ZNF398: variants seen among roughly 807,000 people sequenced by gnomAD.
ZNF398 encodes the protein zinc finger protein 398.
In ZNF398, 18 loss-of-function variants were observed where a neutral mutation model predicts 41.9. The ratio of observed to expected loss-of-function variants is 0.43; its 90% CI spans 0.30 to 0.64. The LOEUF (loss-of-function observed/expected upper bound fraction) is 0.64. ZNF398 is among the 30% of genes least tolerant of loss of function. The pLI, the probability that ZNF398 is intolerant of heterozygous loss-of-function variation, is 0.14. For missense variants in ZNF398, 669 were observed against 822.8 expected (o/e 0.81, Z 2.29); for synonymous variants, 260 against 308.8 (o/e 0.84, Z 1.66).
At position 149,179,679 on chromosome 7, in the gene ZNF398, C is replaced by G. The variant is rs1288519741; in HGVS notation, c.1807C>G (p.Gln603Glu). Reference sequence around the variant, plus strand: ...TGGGGGTGATAGTGACCCATCAGGTCAGCCACCCAACCCACCAGGTCCCCT... The same window carrying G: ...TGGGGGTGATAGTGACCCATCAGGTGAGCCACCCAACCCACCAGGTCCCCT... ...GCGGDSDPSGQPPNPPGPLIT... is the reference protein window; with the variant it reads ...GCGGDSDPSGEPPNPPGPLIT... The change falls in exon 6 of 6, where the codon CAG becomes GAG. Residue 603 changes from glutamine (Q) to glutamate (E), a missense_variant. Gln to Glu is a conservative substitution (Grantham distance 29). Coordinates refer to ENST00000475153, the MANE Select transcript of ZNF398 (RefSeq NM_170686.3). The surrounding 1 kb of genome is among the most constrained non-coding windows in gnomAD (Gnocchi z 6.1). The G allele has an allele frequency of 6.2e-7, 1 of 1,614,106 alleles. No homozygotes were observed. Among genetic ancestry groups the G allele is most frequent in the Non-Finnish European group, 8.5e-7 (1 of 1,180,046 alleles).
chr7:149,155,360 C>T (rs71532762), intron 2 of ZNF398, among the ~76,000 whole-genome samples: 6,755 of 152,076 alleles, frequency 0.044, 214 homozygotes, highest in Admixed American at 0.063. Flanking sequence ...ACAGAGGTTG[C>T]AGTGAGCTGA....
chr7:149,155,727 T>TTTTTTTTTTTTTTTTTTTA (rs1794959608), intron 2 of ZNF398, among the ~76,000 whole-genome samples: 1 of 62,984 alleles, frequency 1.6e-5, no homozygotes, highest in African/African-American at 5.2e-5. Context: ...TTTTTTTTTT[T>TTTTTTTTTTTTTTTTTTTA]TTAATTTTTT....
intron 1 of ZNF398, among the ~76,000 whole-genome samples, chr7:149,151,970 C>T (rs536405462): frequency 1.3e-5 from 2 of 151,978 alleles, no homozygotes; most frequent in South Asian, 2.1e-4. Context: ...CGGTGGCTCA[C>T]GCCCGTAATG....
At chr7:149,146,032 G>A (rs1826930570), upstream of ZNF398, among the ~76,000 whole-genome samples, 1 of 134,546 alleles carries the variant, frequency 7.4e-6, no homozygotes, top group East Asian at 2.5e-4. Context: ...TGCAACCTCC[G>A]CCTCCTGGGT....
intron 1 of ZNF398, among the ~76,000 whole-genome samples, chr7:149,152,265 T>TTC (rs1476169395): frequency 6.7e-6 from 1 of 148,316 alleles, no homozygotes. Flanking sequence ...AAAGATTTCT[T>TTC]TTTTTTTTTT....
At chr7:149,138,935 C>T (rs1426292349) in intron 2 of ZNF398, among the ~76,000 whole-genome samples, 1 of 126,474 alleles carries the variant, frequency 7.9e-6, no homozygotes, top group African/African-American at 3.0e-5. Context: ...TTTTTTGAGA[C>T]GGAGTCTTGT....
intron 2 of ZNF398, among the ~76,000 whole-genome samples, chr7:149,129,886 C>T (rs1247948358): frequency 2.0e-5 from 3 of 152,068 alleles, no homozygotes; most frequent in South Asian, 2.1e-4. Context: ...CCGCAACCTC[C>T]GCCTCCCAGG....
intron 2 of ZNF398, among the ~76,000 whole-genome samples, chr7:149,155,721 T>A (rs867496451): frequency 0.02 from 1,312 of 64,526 alleles, 21 homozygotes; most frequent in African/African-American, 0.062. Context: ...TTTTTTTTTT[T>A]TTTTTTTTAA....
chr7:149,155,969 G>A (rs1200228134), intron 2 of ZNF398, among the ~76,000 whole-genome samples: 4 of 151,662 alleles, frequency 2.6e-5, no homozygotes, highest in Non-Finnish European at 5.9e-5. Context: ...CTCGTGATCC[G>A]CTCGCCTTGG....
chr7:149,181,314 T>C lies in ZNF398; in HGVS notation c.*1513T>C, dbSNP rs949447657. 1.3e-5 allele frequency: 2 copies of C among 151,380 alleles called. No individual in the cohort carries two copies. Among genetic ancestry groups the C allele is most frequent in the Non-Finnish European group, 2.9e-5 (2 of 68,042 alleles). 9.4% of individuals were successfully genotyped at this position (151,380 alleles called of 1,614,324 possible). A position where few individuals can be genotyped will look rare whatever the true frequency, so the allele number is the denominator to read the frequency against. The stretch of plus-strand genomic sequence containing the variant: ...CTTGTTGAAACTTGACTAAAATTTA[T>C]TTGATTTGTTGTTTTACTCCCACTT... On this transcript the variant is annotated 3_prime_UTR_variant, in exon 6 of 6. Coordinates refer to ENST00000475153, the MANE Select transcript of ZNF398 (RefSeq NM_170686.3).
upstream of ZNF398, among the ~76,000 whole-genome samples, chr7:149,144,750 G>A (rs979944153): frequency 4.6e-5 from 7 of 151,724 alleles, no homozygotes; most frequent in Admixed American, 2.0e-4. Flanking sequence ...GACCACGCCC[G>A]GCTAGTTTTT....
upstream of ZNF398, among the ~76,000 whole-genome samples, chr7:149,146,875 A>G (rs1238959583): frequency 6.6e-6 from 1 of 151,994 alleles, no homozygotes; most frequent in African/African-American, 2.4e-5. Flanking sequence ...AAAATTAAGA[A>G]TCCTATTTCC....
Position 149,151,162 on chromosome 7 carries a change from C to T in ZNF398, c.25-2783C>T, listed in dbSNP as rs533164363. On this transcript the variant is annotated intron_variant, in intron 1 of 5. Transcript: ENST00000475153. ...TTGAGATCCCCACTAAGCTTAGAAA[C>T]CATTGGTATGTGGTGACAGCAGTTT... 6 of 1,045,894 alleles carry T rather than the reference C, an allele frequency of 5.7e-6. No individual in the cohort carries two copies. The East Asian group carries it at 4.6e-4, about 81-fold the overall frequency. The allele number at this position is 1,045,894 out of a possible 1,614,324, so 64.8% of individuals were successfully genotyped here. A position where few individuals can be genotyped will look rare whatever the true frequency, so the allele number is the denominator to read the frequency against.
intron 1 of ZNF398, among the ~76,000 whole-genome samples, chr7:149,127,650 G>A (rs1039565519): frequency 1.3e-5 from 2 of 151,964 alleles, no homozygotes; most frequent in East Asian, 3.8e-4. Context: ...CCGGGAGGCG[G>A]AGCTTGCAGT....
chr7:149,155,685 A>T (rs1488041924), intron 2 of ZNF398, among the ~76,000 whole-genome samples: 20 of 96,134 alleles, frequency 2.1e-4, no homozygotes, highest in African/African-American at 6.1e-4. Flanking sequence ...ATATTTGGTT[A>T]TATATATATA....
intron 1 of ZNF398, chr7:149,128,816 T>C (rs952757566): frequency 3.5e-5 from 4 of 114,780 alleles, no homozygotes; most frequent in African/African-American, 1.2e-4. Context: ...TGTTGGGTTT[T>C]TTCCAGACGT....
intron 4 of ZNF398, among the ~76,000 whole-genome samples, chr7:149,171,861 G>T (rs1352262925): frequency 6.6e-6 from 1 of 152,040 alleles, no homozygotes. Flanking sequence ...TAGAGATGGG[G>T]TATAGCCATG....
chr7:149,167,008 AGGG>A, intron 4 of ZNF398, 78 bp downstream of exon 4: 2 of 959,874 alleles, frequency 2.1e-6, no homozygotes, highest in Non-Finnish European at 3.1e-6. Flanking sequence ...AGCAGGGCTT[AGGG>A]GCTTCTAGAG....
In ZNF398 at chr7:149,179,379, A is replaced by C; in HGVS notation, c.1507A>C (p.Met503Leu). The change falls in exon 6 of 6, where the codon ATG becomes CTG. Residue 503 changes from methionine (M) to leucine (L), a missense_variant. Physicochemically the swap from Met to Leu is conservative, Grantham distance 15. Around this residue, in one of 3 missense-constraint regions of ZNF398, gnomAD observed 210 missense variants for 290.4 expected, o/e 0.72. Transcript: ENST00000475153. This position sits in a 1 kb window ranked among gnomAD's most constrained non-coding sequence, Gnocchi z 6.1. ...CCACTCGGCCCTGATCCGCCACCAG[A>C]TGATCCACACAGGCGAGCGTCCTTA... is the stretch of plus-strand genomic sequence containing the variant. ...NGHSALIRHQ[M>L]IHTGERPYPC... is the part of the protein sequence containing the mutation. 1 of 1,611,594 alleles carries C rather than the reference A, an allele frequency of 6.2e-7. No homozygotes were observed. The highest frequency in any genetic ancestry group is 2.2e-5 in the East Asian group (1 of 44,676).
Sources: allele counts gnomAD v4.1 joint callset (sites outside exome capture counted in the v4.1 genomes callset), GRCh38; gene constraint gnomAD v4.1.1; regional missense constraint gnomAD v4.1.1; non-coding constraint Gnocchi (gnomAD v3.1); transcripts MANE v1.5; gene names NCBI Gene and HGNC (gene_info 2026-07-23, HGNC 2026-07-21).